The following TAFA1 variants were observed in gnomAD, a reference collection of about 807,000 sequenced individuals.
TAFA1 encodes TAFA chemokine like family member 1, also known as chemokine-like protein TAFA-1.
A neutral mutation model predicts 18.5 loss-of-function variants in TAFA1; 4 were observed. That is an observed-to-expected ratio of 0.22 (90% confidence interval 0.11 to 0.49). The LOEUF is 0.49. Ranked by LOEUF, TAFA1 falls within the 20% of genes least tolerant of loss-of-function variation. TAFA1 has a pLI of 0.98. For synonymous variants in TAFA1, 56 were observed against 55.2 expected (o/e 1.01, Z -0.06); for missense variants, 147 against 169.0 (o/e 0.87, Z 0.72).
intron 2 of TAFA1, among the ~76,000 whole-genome samples, chr3:68,053,681 T>C (rs528012202): frequency 1.3e-5 from 2 of 152,090 alleles, no homozygotes; most frequent in Non-Finnish European, 2.9e-5. Context: ...AGAAATCGGT[T>C]CCTTGGAAAA....
At chr3:68,018,175 A>G (rs1047023320) in intron 2 of TAFA1, among the ~76,000 whole-genome samples, 1 of 152,226 alleles carries the variant, frequency 6.6e-6, no homozygotes, top group Non-Finnish European at 1.5e-5. Flanking sequence ...AGGCTGCCTT[A>G]TCAGTGTACA....
intron 2 of TAFA1, among the ~76,000 whole-genome samples, chr3:68,176,621 T>G (rs2066129627): frequency 1.3e-5 from 2 of 152,326 alleles, no homozygotes; most frequent in South Asian, 4.1e-4. Flanking sequence ...TCATTAAAAT[T>G]TGCATAATTC....
intron 2 of TAFA1, among the ~76,000 whole-genome samples, chr3:68,298,614 TG>T (rs1464441149): frequency 1.3e-5 from 2 of 152,202 alleles, no homozygotes; most frequent in Non-Finnish European, 2.9e-5. Context: ...AATTGAATCA[TG>T]GGGGTGTTTT....
At position 68,121,933 on chromosome 3, in the gene TAFA1, T is replaced by C. The variant is rs189669752; in HGVS notation, c.118+115189T>C. ...GGATGTTTATAACTATATTGAGGTA[T>C]TTTGCATTCATTAATAATGCCAACT... On this transcript the variant is annotated intron_variant, in intron 2 of 4. Transcript: ENST00000478136. Among the ~76,000 whole-genome samples, 3 of 152,246 alleles carry C rather than the reference T, an allele frequency of 2.0e-5. No individual in the cohort carries two copies. The East Asian group carries it at 5.8e-4, about 29-fold the overall frequency.
rs1369363158 is a variant in TAFA1, at chr3:68,079,103, G to T, written c.118+72359G>T. On this transcript the variant is annotated intron_variant, in intron 2 of 4. Coordinates refer to ENST00000478136, the MANE Select transcript of TAFA1 (RefSeq NM_213609.4). ...GATTTTCTAGTTTATCTGCATAGAG[G>T]TGTTTGTAGTATTCTCTGATGGTAG... Among the ~76,000 whole-genome samples the T allele has an allele frequency of 2.0e-5, 3 of 152,272 alleles. No individual in the cohort carries two copies. In the East Asian group the frequency reaches 5.8e-4, roughly 29 times the overall value.
chr3:68,534,880 G>A (rs1054991172), intron 3 of TAFA1, among the ~76,000 whole-genome samples: 4 of 151,800 alleles, frequency 2.6e-5, no homozygotes, highest in African/African-American at 9.7e-5. Flanking sequence ...TTAGAAGGAG[G>A]CAACACCAAA....
Position 68,509,693 on chromosome 3 carries a change from A to G in TAFA1, c.260-29063A>G, listed in dbSNP as rs541847535. Among the ~76,000 whole-genome samples, 559 of 152,236 alleles carry G rather than the reference A, an allele frequency of 3.7e-3. 5 individuals carry two copies. Among genetic ancestry groups the G allele is most frequent in the Non-Finnish European group, 6.6e-3 (447 of 67,992 alleles). On this transcript the variant is annotated intron_variant, in intron 3 of 4. Transcript: ENST00000478136. ...TATCCTGTCATTACCAGCCATTACC[A>G]GCTATGTAAAGGTAATGTATTAGTT...
chr3:68,336,577 A>G (rs985764524), intron 2 of TAFA1, among the ~76,000 whole-genome samples: 10 of 152,250 alleles, frequency 6.6e-5, no homozygotes, highest in Middle Eastern at 3.2e-3. Flanking sequence ...CCAAAGTATA[A>G]TCTTCAAACT....
rs115577504 is a variant in TAFA1, at chr3:68,191,615, T to C, written c.118+184871T>C. The stretch of plus-strand genomic sequence containing the variant: ...GTCAAATTGGACTGTGTTCATCAGC[T>C]CATCCTAACTCTATAGTTGCCACAA... On this transcript the variant is annotated intron_variant, in intron 2 of 4. Transcript: ENST00000478136. Among the ~76,000 whole-genome samples, 1,288 of 151,934 alleles carry C rather than the reference T, an allele frequency of 8.5e-3. 23 individuals are homozygous for C. The highest frequency in any genetic ancestry group is 0.029 in the African/African-American group (1,212 of 41,504).
chr3:68,078,261 G>A (rs1315238093), intron 2 of TAFA1, among the ~76,000 whole-genome samples: 5 of 151,856 alleles, frequency 3.3e-5, no homozygotes, highest in African/African-American at 1.2e-4. Context: ...TGCAAACAGG[G>A]ACAATTTGAC....
intron 2 of TAFA1, among the ~76,000 whole-genome samples, chr3:68,254,192 G>T (rs77801479): frequency 7.7e-6 from 1 of 130,360 alleles, no homozygotes; most frequent in South Asian, 2.7e-4. Flanking sequence ...TATCTAATCT[G>T]TCTATCCATT....
At chr3:68,489,533 TGTGGTCC>T (rs1268222464) in intron 3 of TAFA1, among the ~76,000 whole-genome samples, 2 of 152,228 alleles carry the variant, frequency 1.3e-5, no homozygotes, top group Non-Finnish European at 2.9e-5. Context: ...TTTCCCATAC[TGTGGTCC>T]GTAGACCCCC....
intron 2 of TAFA1, among the ~76,000 whole-genome samples, chr3:68,182,635 T>C (rs1485308511): frequency 6.6e-6 from 1 of 152,160 alleles, no homozygotes; most frequent in African/African-American, 2.4e-5. Context: ...AAGTACTTAA[T>C]GCACAACACT....
At chr3:68,172,952 T>C (rs999543724) in intron 2 of TAFA1, among the ~76,000 whole-genome samples, 1 of 152,120 alleles carries the variant, frequency 6.6e-6, no homozygotes, top group Non-Finnish European at 1.5e-5. Context: ...ATATTAGAGA[T>C]GGTTGCACAA....
chr3:68,409,594 A>C (rs1229327048), intron 2 of TAFA1, among the ~76,000 whole-genome samples: 1 of 152,198 alleles, frequency 6.6e-6, no homozygotes, highest in Non-Finnish European at 1.5e-5. Context: ...TGAGTCAGTT[A>C]AACCTCTTTT....
intron 2 of TAFA1, among the ~76,000 whole-genome samples, chr3:68,235,512 G>A (rs1186583733): frequency 6.6e-6 from 1 of 152,124 alleles, no homozygotes; most frequent in Non-Finnish European, 1.5e-5. Context: ...TTCATACTTC[G>A]CTAAAATAAA....
chr3:68,533,997 G>C (rs554877266), intron 3 of TAFA1, among the ~76,000 whole-genome samples: 1 of 152,230 alleles, frequency 6.6e-6, no homozygotes, highest in South Asian at 2.1e-4. Context: ...AGGCAACACT[G>C]TGAAGAAAAC....
chr3:68,402,263 C>T (rs1559653399), intron 2 of TAFA1, among the ~76,000 whole-genome samples: 1 of 152,276 alleles, frequency 6.6e-6, no homozygotes, highest in East Asian at 1.9e-4. Context: ...TTATTGCTGA[C>T]ATGCCTGGAG....
At chr3:68,316,281 G>A (rs2068603942) in intron 2 of TAFA1, among the ~76,000 whole-genome samples, 2 of 152,142 alleles carry the variant, frequency 1.3e-5, no homozygotes, top group Non-Finnish European at 2.9e-5. Context: ...AGTCCACTGG[G>A]GAGGACTCCC....
Sources: gnomAD v4.1 joint callset for allele counts (sites outside exome capture counted in the v4.1 genomes callset) on GRCh38, gnomAD v4.1.1 for gene constraint, MANE v1.5 for transcripts, NCBI Gene and HGNC (gene_info 2026-07-23, HGNC 2026-07-21) for gene names.